Variants in COL4A6 observed in about 807,000 individuals in gnomAD.
COL4A6 encodes the protein collagen alpha-6(IV) chain.
COL4A6 carries 59 observed loss-of-function variants against 126.7 expected under a neutral mutation model. The observed-to-expected ratio is 0.47, with a 90% CI of 0.38 to 0.58. The LOEUF (loss-of-function observed/expected upper bound fraction) is 0.58, where lower values mean the gene tolerates loss of function less well. Among genes scored for constraint, COL4A6 ranks in the 20% least tolerant of loss-of-function variants. The pLI is 0.00. For missense variants in COL4A6, 1,285 were observed against 1,337.3 expected (o/e 0.96, Z 0.61); for synonymous variants, 547 against 496.6 (o/e 1.10, Z -1.35).
chrX:108,411,778 A>C lies in COL4A6; in HGVS notation c.63+26164T>G, dbSNP rs1258819834. On this transcript the variant is annotated intron_variant, in intron 2 of 44. Coordinates refer to ENST00000334504, the MANE Select transcript of COL4A6 (RefSeq NM_033641.4). ...ACTTGTAAATCCCGGGTGCTTGTGC[A>C]TGCCAAAGTTGATGCTTAGAACATT... is the stretch of plus-strand genomic sequence containing the variant. Among the ~76,000 whole-genome samples the C allele has an allele frequency of 3.6e-5, 4 of 112,066 alleles. No homozygotes were observed. The East Asian group carries it at 1.1e-3, about 31-fold the overall frequency.
intron 20 of COL4A6, among the ~76,000 whole-genome samples, chrX:108,188,880 C>T (rs1458616982): frequency 8.9e-6 from 1 of 112,028 alleles, no homozygotes; most frequent in Non-Finnish European, 1.9e-5. Context: ...AGGGATGAGG[C>T]TCAGCCATCA....
chrX:108,438,773 G>C (rs952493860), upstream of COL4A6, among the ~76,000 whole-genome samples: 1 of 112,699 alleles, frequency 8.9e-6, no homozygotes, highest in African/African-American at 3.2e-5. Flanking sequence ...TATTGGGAAG[G>C]GGAGACAGTT....
At chrX:108,350,614 A>G (rs1279701462) in intron 2 of COL4A6, among the ~76,000 whole-genome samples, 2 of 111,587 alleles carry the variant, frequency 1.8e-5, no homozygotes, top group African/African-American at 6.5e-5. Context: ...TGACATGCTC[A>G]TGGGTAGTGA....
intron 2 of COL4A6, among the ~76,000 whole-genome samples, chrX:108,337,713 T>C (rs777818088): frequency 8.9e-6 from 1 of 112,606 alleles, no homozygotes; most frequent in South Asian, 3.7e-4. Flanking sequence ...GTTGGTTTGT[T>C]GTGAATATTC....
chrX:108,298,195 G>C (rs1436577883), intron 3 of COL4A6, among the ~76,000 whole-genome samples: 1 of 111,558 alleles, frequency 9.0e-6, no homozygotes, highest in Non-Finnish European at 1.9e-5. Flanking sequence ...AATGAGGGGG[G>C]TGTTTGGAAC....
chrX:108,212,258 C>G (rs1358538519), intron 6 of COL4A6, among the ~76,000 whole-genome samples: 2 of 108,176 alleles, frequency 1.8e-5, no homozygotes, highest in Non-Finnish European at 3.8e-5. Flanking sequence ...GGCCACAAGC[C>G]AAAGGCCATG....
At chrX:108,209,871 G>T (rs2035650609) in intron 8 of COL4A6, 98 bp downstream of exon 8, 1 of 921,284 alleles carries the variant, frequency 1.1e-6, no homozygotes, top group Non-Finnish European at 1.5e-6. Flanking sequence ...TTTCCTTGAG[G>T]TCTACAAAGA....
chrX:108,187,525 G>A (rs190547860), intron 22 of COL4A6, among the ~76,000 whole-genome samples: 1 of 111,705 alleles, frequency 9.0e-6, no homozygotes, highest in Non-Finnish European at 1.9e-5. Context: ...GGCAAGAAAT[G>A]AGCAGGATAA....
chrX:108,188,037 A>T lies in COL4A6; in HGVS notation c.1588-10T>A, dbSNP rs1392703203. 1 of 1,177,587 alleles carries T rather than the reference A, an allele frequency of 8.5e-7. No individual in the cohort carries two copies. The highest frequency in any genetic ancestry group is 1.8e-5 in the African/African-American group (1 of 56,277). ...GAGGCCCAACTAAGCCCTGACAAAG[A>T]AAAGAGAGAAGAGGGAGTAGTCAGA... is the stretch of plus-strand genomic sequence containing the variant. On this transcript the variant is annotated splice_polypyrimidine_tract_variant and intron_variant, in intron 21 of 44. Coordinates refer to ENST00000334504, the MANE Select transcript of COL4A6 (RefSeq NM_033641.4).
intron 3 of COL4A6, among the ~76,000 whole-genome samples, chrX:108,222,973 C>T (rs1014068155): frequency 4.5e-5 from 5 of 111,305 alleles, no homozygotes; most frequent in African/African-American, 9.8e-5. Flanking sequence ...AGTAGGAGGT[C>T]GAAAGCATGG....
chrX:108,283,707 A>T (rs2037923267), intron 3 of COL4A6, among the ~76,000 whole-genome samples: 2 of 111,367 alleles, frequency 1.8e-5, no homozygotes, highest in Non-Finnish European at 3.8e-5. Flanking sequence ...TACAGAGAAC[A>T]GCAGGACACA....
Position 108,397,975 on chromosome X carries a change from A to C in COL4A6, c.63+39967T>G, listed in dbSNP as rs999282385. Among the ~76,000 whole-genome samples the C allele has an allele frequency of 6.2e-5, 7 of 112,854 alleles. No individual in the cohort carries two copies. In the South Asian group the frequency reaches 2.5e-3, roughly 41 times the overall value. ...AAAATGGTTAAGCAGATACTTACTGAGTTCTTTTTACACTCAAGACCCCGT... is the reference window on the plus strand; with the variant it reads ...AAAATGGTTAAGCAGATACTTACTGCGTTCTTTTTACACTCAAGACCCCGT... On this transcript the variant is annotated intron_variant, in intron 2 of 44. Coordinates refer to ENST00000334504, the MANE Select transcript of COL4A6 (RefSeq NM_033641.4).
chrX:108,352,953 C>T (rs2039877685), intron 2 of COL4A6, among the ~76,000 whole-genome samples: 1 of 112,266 alleles, frequency 8.9e-6, no homozygotes, highest in South Asian at 3.7e-4. Flanking sequence ...TATTTGTTTT[C>T]TTTCCTTGTA....
chrX:108,195,422 C>T (rs1250200429), intron 14 of COL4A6, among the ~76,000 whole-genome samples: 1 of 111,542 alleles, frequency 9.0e-6, no homozygotes, highest in Non-Finnish European at 1.9e-5. Context: ...TAGGCGTGCG[C>T]CACCACGCTT....
Position 108,300,724 on chromosome X carries a change from C to CGTGTGTGT in COL4A6, c.144+10016_144+10023dup, listed in dbSNP as rs58203884. 8.0e-3 allele frequency among the ~76,000 whole-genome samples: 743 copies of CGTGTGTGT among 92,356 alleles called. 11 individuals are homozygous for CGTGTGTGT. The highest frequency in any genetic ancestry group is 0.024 in the East Asian group (67 of 2,739). 80.2% of individuals were successfully genotyped at this position (92,356 alleles called of 115,157 possible). On this transcript the variant is annotated intron_variant, in intron 3 of 44. Coordinates refer to ENST00000334504, the MANE Select transcript of COL4A6 (RefSeq NM_033641.4). ...GCAGTGATGGGTAGTCAAACATTGG[C>CGTGTGTGT]GTGTGTGTGTGTGTGTGTGTGTGTG... is the stretch of plus-strand genomic sequence containing the variant.
chrX:108,422,890 G>T (rs2064006711), intron 2 of COL4A6, among the ~76,000 whole-genome samples: 1 of 111,660 alleles, frequency 9.0e-6, no homozygotes, highest in Admixed American at 9.5e-5. Context: ...GTAGTCCTAG[G>T]TTGGGGTGCA....
intron 13 of COL4A6, among the ~76,000 whole-genome samples, chrX:108,199,818 G>T (rs1423349019): frequency 9.0e-6 from 1 of 111,592 alleles, no homozygotes; most frequent in African/African-American, 3.3e-5. Context: ...GAGATTTACA[G>T]ATAAAAACCC....
chrX:108,289,242 AGTGTGTGTGTGTGTGTGTGTGT>A (rs34639525), intron 3 of COL4A6, among the ~76,000 whole-genome samples: 1 of 91,326 alleles, frequency 1.1e-5, no homozygotes, highest in Non-Finnish European at 2.2e-5. Flanking sequence ...CAATGAGTAT[AGTGTGTGTGTGTGTGTGTGTGT>A]GTGTGTGTGT....
chrX:108,198,781 A>G (rs752561931), intron 13 of COL4A6, among the ~76,000 whole-genome samples: 21 of 111,225 alleles, frequency 1.9e-4, no homozygotes, highest in African/African-American at 6.5e-4. Flanking sequence ...AGGAGGCTCA[A>G]CTGAAGAACC....
Sources: allele counts gnomAD v4.1 joint callset (sites outside exome capture counted in the v4.1 genomes callset), GRCh38; gene constraint gnomAD v4.1.1; transcripts MANE v1.5; gene names NCBI Gene and HGNC (gene_info 2026-07-23, HGNC 2026-07-21).